TOM1L2: variants seen among roughly 807,000 people sequenced by gnomAD.
The protein encoded by TOM1L2 is TOM1-like protein 2.
A neutral mutation model predicts 67.9 loss-of-function variants in TOM1L2; 31 were observed. That is an observed-to-expected ratio of 0.46 (90% CI 0.34 to 0.62). The LOEUF is 0.62. Among genes scored for constraint, TOM1L2 ranks in the 20% least tolerant of loss-of-function variants. The probability of loss-of-function intolerance (pLI) is 0.01; values close to 1 mark genes in which losing one functional copy is unlikely to be tolerated. For synonymous variants in TOM1L2, 256 were observed against 254.0 expected (o/e 1.01, Z -0.07); for missense variants, 606 against 663.5 (o/e 0.91, Z 0.95).
At chr17:17,893,531 G>T in intron 4 of TOM1L2, 130 bp downstream of exon 4, 1 of 928,652 alleles carries the variant, frequency 1.1e-6, no homozygotes, top group Non-Finnish European at 1.6e-6. Context: ...GAAGTATTTT[G>T]CACCAAATAT....
chr17:17,877,924 G>C (rs982171348), intron 7 of TOM1L2, among the ~76,000 whole-genome samples: 10 of 151,156 alleles, frequency 6.6e-5, no homozygotes, highest in Non-Finnish European at 1.0e-4. Context: ...AAAACACGAA[G>C]TATTCCTGCT....
chr17:17,960,866 G>A (rs1347580694), intron 1 of TOM1L2, among the ~76,000 whole-genome samples: 1 of 152,178 alleles, frequency 6.6e-6, no homozygotes, highest in East Asian at 1.9e-4. Flanking sequence ...TATCTTTAAG[G>A]CATTGTGTTA....
intron 1 of TOM1L2, among the ~76,000 whole-genome samples, chr17:17,956,470 G>A (rs1158041593): frequency 6.6e-6 from 1 of 152,246 alleles, no homozygotes. Context: ...AGGTGGAGCT[G>A]CCTGCCAGTC....
intron 2 of TOM1L2, among the ~76,000 whole-genome samples, chr17:17,900,737 C>T (rs1330525781): frequency 3.9e-5 from 6 of 152,158 alleles, no homozygotes; most frequent in African/African-American, 7.2e-5. Context: ...GTCTGCAGTA[C>T]GGCTGCCATT....
chr17:17,928,387 C>A (rs1342583969), intron 1 of TOM1L2, among the ~76,000 whole-genome samples: 1 of 152,150 alleles, frequency 6.6e-6, no homozygotes, highest in Non-Finnish European at 1.5e-5. Flanking sequence ...TCAGCCTAGT[C>A]GCTAAGTGGA....
At chr17:17,887,568 C>T (rs11650890) in intron 4 of TOM1L2, among the ~76,000 whole-genome samples, 66,262 of 152,086 alleles carry the variant, frequency 0.44, 17,251 homozygotes, top group Non-Finnish European at 0.61. Context: ...CCTCTGCCTC[C>T]GGGCTCAAGC....
Position 17,862,821 on chromosome 17 carries a change from G to T in TOM1L2, c.1112C>A (p.Thr371Asn), listed in dbSNP as rs773614320. 3.7e-6 allele frequency: 6 copies of T among 1,614,184 alleles called. No individual in the cohort carries two copies. In the East Asian group the frequency reaches 6.7e-5, roughly 18 times the overall value. The change falls in exon 11 of 15, where the codon ACC (threonine) becomes AAC (asparagine). Residue 371 changes from threonine to asparagine, a missense_variant. Thr to Asn is a moderately conservative substitution (Grantham distance 65, BLOSUM62 0). This residue lies in a region of TOM1L2 where 543 missense variants were observed against 554.0 expected (regional missense o/e 0.98). Transcript: ENST00000379504. ...ATTACATTGCTGGAGTGAACTGAGG[G>T]TGCCACTGACGCTCTCTGTCCCCAA... The part of the protein sequence containing the change: ...LDLGTESVSG[T>N]LSSLQQCNPR...
At chr17:17,860,898 CT>C (rs1441858422) in intron 12 of TOM1L2, among the ~76,000 whole-genome samples, 1 of 152,248 alleles carries the variant, frequency 6.6e-6, no homozygotes, top group Non-Finnish European at 1.5e-5. Context: ...ACAGGACACC[CT>C]CCCAGCCACC....
intron 1 of TOM1L2, among the ~76,000 whole-genome samples, chr17:17,916,879 C>T (rs1193086395): frequency 6.6e-6 from 1 of 152,126 alleles, no homozygotes; most frequent in Non-Finnish European, 1.5e-5. Context: ...AAAAATTAGC[C>T]AGGCACAGTG....
intron 4 of TOM1L2, among the ~76,000 whole-genome samples, chr17:17,891,875 A>G (rs187119469): frequency 6.6e-6 from 1 of 151,944 alleles, no homozygotes; most frequent in Admixed American, 6.6e-5. Flanking sequence ...GGGACGAGGG[A>G]CAACCCTAGG....
intron 1 of TOM1L2, among the ~76,000 whole-genome samples, chr17:17,969,505 C>T (rs546105102): frequency 4.0e-4 from 61 of 150,740 alleles, no homozygotes; most frequent in Non-Finnish European, 7.5e-4. Flanking sequence ...CACTTTGTCA[C>T]AACAGTACGG....
intron 1 of TOM1L2, among the ~76,000 whole-genome samples, chr17:17,947,416 T>C (rs1411916746): frequency 3.3e-5 from 5 of 152,230 alleles, no homozygotes; most frequent in African/African-American, 4.8e-5. Context: ...CCTCACAATA[T>C]GACTGATTGA....
At chr17:17,870,227 C>G (rs2037078915) in intron 7 of TOM1L2, among the ~76,000 whole-genome samples, 1 of 152,166 alleles carries the variant, frequency 6.6e-6, no homozygotes, top group African/African-American at 2.4e-5. Context: ...CCCCCGGTTG[C>G]CCCTGGAGCC....
intron 4 of TOM1L2, among the ~76,000 whole-genome samples, chr17:17,886,055 A>C (rs1353051275): frequency 6.6e-6 from 1 of 152,066 alleles, no homozygotes; most frequent in Admixed American, 6.6e-5. Context: ...TACCCAAAGG[A>C]GGAGGCAGAG....
chr17:17,917,834 C>T (rs1297981516), intron 1 of TOM1L2, among the ~76,000 whole-genome samples: 3 of 151,794 alleles, frequency 2.0e-5, no homozygotes, highest in African/African-American at 7.3e-5. Context: ...TTACACCTGT[C>T]ATTTCATCTA....
intron 1 of TOM1L2, among the ~76,000 whole-genome samples, chr17:17,952,390 T>C (rs1020605180): frequency 4.4e-4 from 57 of 130,330 alleles, no homozygotes; most frequent in Non-Finnish European, 7.0e-4. Flanking sequence ...TTTTTTTTTT[T>C]TTTTTTTTTT....
At chr17:17,972,220 C>T (rs895681324) in intron 1 of TOM1L2, 42 bp downstream of exon 1, 2 of 1,547,730 alleles carry the variant, frequency 1.3e-6, no homozygotes, top group Admixed American at 3.9e-5. Context: ...GCCGGATCAG[C>T]GGCCGCCGTT....
At chr17:17,902,676 A>G (rs956393226) in intron 2 of TOM1L2, among the ~76,000 whole-genome samples, 3 of 152,284 alleles carry the variant, frequency 2.0e-5, no homozygotes, top group Admixed American at 2.0e-4. Context: ...GGGTAAGGGC[A>G]GTGAATCCAC....
At chr17:17,861,299 G>C (rs1166631491) in intron 12 of TOM1L2, among the ~76,000 whole-genome samples, 177 bp downstream of exon 12, 1 of 152,146 alleles carries the variant, frequency 6.6e-6, no homozygotes, top group Non-Finnish European at 1.5e-5. Context: ...GGGGTGAGGT[G>C]AAGACTCAAT....
Sources: gnomAD v4.1 joint callset for allele counts (sites outside exome capture counted in the v4.1 genomes callset) on GRCh38, gnomAD v4.1.1 for gene constraint, gnomAD v4.1.1 regional missense constraint, MANE v1.5 for transcripts, NCBI Gene and HGNC (gene_info 2026-07-23, HGNC 2026-07-21) for gene names.